Variants in TAFA1 observed in about 807,000 individuals in gnomAD.
TAFA1 encodes TAFA chemokine like family member 1.
Under a neutral mutation model 18.5 loss-of-function variants are expected in TAFA1, and 4 were observed. The observed-to-expected ratio is 0.22, with a 90% CI of 0.11 to 0.49. The LOEUF (loss-of-function observed/expected upper bound fraction) is 0.49. TAFA1 is among the 20% of genes least tolerant of loss of function. The pLI, the probability that TAFA1 is intolerant of heterozygous loss-of-function variation, is 0.98. For synonymous variants in TAFA1, 56 were observed against 55.2 expected, an observed-to-expected ratio of 1.01 and a Z score of -0.06; for missense variants, 147 against 169.0, an observed-to-expected ratio of 0.87 and a Z score of 0.72.
intron 2 of TAFA1, among the ~76,000 whole-genome samples, chr3:68,327,496 C>G (rs985730601): frequency 9.2e-5 from 14 of 152,234 alleles, no homozygotes; most frequent in Non-Finnish European, 1.9e-4. Flanking sequence ...GGTTCAAGTA[C>G]TAGATCACCA....
chr3:68,173,311 A>C (rs891176489), intron 2 of TAFA1, among the ~76,000 whole-genome samples: 4 of 152,318 alleles, frequency 2.6e-5, no homozygotes, highest in African/African-American at 9.6e-5. Context: ...AGGCCGCTTA[A>C]GAGCCCTATA....
At chr3:68,276,170 C>T (rs1183256695) in intron 2 of TAFA1, among the ~76,000 whole-genome samples, 1 of 151,276 alleles carries the variant, frequency 6.6e-6, no homozygotes, top group Non-Finnish European at 1.5e-5. Flanking sequence ...AAAAAAAAAC[C>T]CAGAAGACAA....
At chr3:68,252,237 A>T (rs1021163714) in intron 2 of TAFA1, among the ~76,000 whole-genome samples, 1 of 152,064 alleles carries the variant, frequency 6.6e-6, no homozygotes, top group African/African-American at 2.4e-5. Context: ...TCCTGCTACT[A>T]TTCAGGTTTC....
chr3:68,240,599 G>A (rs747865597), intron 2 of TAFA1, among the ~76,000 whole-genome samples: 3 of 152,146 alleles, frequency 2.0e-5, no homozygotes, highest in Non-Finnish European at 4.4e-5. Flanking sequence ...CTGCCCACTA[G>A]TAAACAGGAA....
At chr3:68,093,925 T>A (rs973744174) in intron 2 of TAFA1, among the ~76,000 whole-genome samples, 3 of 152,092 alleles carry the variant, frequency 2.0e-5, no homozygotes, top group Non-Finnish European at 4.4e-5. Flanking sequence ...ACCAGGCCTG[T>A]CTCTTGATAT....
At chr3:68,071,438 G>C (rs1043942284) in intron 2 of TAFA1, among the ~76,000 whole-genome samples, 11 of 152,184 alleles carry the variant, frequency 7.2e-5, no homozygotes, top group Non-Finnish European at 1.3e-4. Flanking sequence ...GATTTGGGTG[G>C]GGACACAGCC....
At chr3:68,090,517 G>A (rs1414104100) in intron 2 of TAFA1, among the ~76,000 whole-genome samples, 2 of 152,122 alleles carry the variant, frequency 1.3e-5, no homozygotes, top group Admixed American at 6.5e-5. Flanking sequence ...ACCCCATGTT[G>A]TTCCCCTCCA....
At chr3:68,441,049 C>A (rs1267979414) in intron 3 of TAFA1, among the ~76,000 whole-genome samples, 2 of 152,124 alleles carry the variant, frequency 1.3e-5, no homozygotes, top group Admixed American at 6.6e-5. Flanking sequence ...TCGAGATATT[C>A]TTTCTAAGGT....
intron 2 of TAFA1, among the ~76,000 whole-genome samples, chr3:68,403,575 A>C (rs2070538033): frequency 6.6e-6 from 1 of 152,246 alleles, no homozygotes; most frequent in Non-Finnish European, 1.5e-5. Context: ...GTGACACATA[A>C]AAATCACACA....
intron 2 of TAFA1, among the ~76,000 whole-genome samples, chr3:68,404,603 C>T (rs1387175692): frequency 6.6e-6 from 1 of 152,004 alleles, no homozygotes; most frequent in African/African-American, 2.4e-5. Context: ...TTCAAGACAG[C>T]CTGGCCAACA....
Position 68,379,724 on chromosome 3 carries a change from A to ATT in TAFA1, c.119-37546_119-37545dup, listed in dbSNP as rs71112638. On this transcript the variant is annotated intron_variant, in intron 2 of 4. Coordinates refer to ENST00000478136, the MANE Select transcript of TAFA1 (RefSeq NM_213609.4). ...TAAGTCTTTAATCCATTTTAAGTTG[A>ATT]TTTTTTTTTTTGAGTCTGTCTCCAA... Among the ~76,000 whole-genome samples, 55 of 141,948 alleles carry ATT rather than the reference A, an allele frequency of 3.9e-4. 1 individual carries two copies. In the South Asian group the frequency reaches 4.1e-3, roughly 11 times the overall value. The allele number at this position is 141,948 out of a possible 152,430, so 93.1% of individuals were successfully genotyped here. A position where few individuals can be genotyped will look rare whatever the true frequency, so the allele number is the denominator to read the frequency against.
At chr3:68,244,807 T>A (rs2067045236) in intron 2 of TAFA1, among the ~76,000 whole-genome samples, 1 of 152,216 alleles carries the variant, frequency 6.6e-6, no homozygotes, top group Admixed American at 6.5e-5. Flanking sequence ...ATTAACTGAT[T>A]ATTATTTGCA....
intron 2 of TAFA1, among the ~76,000 whole-genome samples, chr3:68,387,414 G>A (rs537018081): frequency 3.3e-5 from 5 of 152,162 alleles, no homozygotes; most frequent in African/African-American, 1.2e-4. Context: ...GTGGAGCCTA[G>A]GGTATTTATT....
intron 2 of TAFA1, among the ~76,000 whole-genome samples, chr3:68,047,415 A>G (rs890252592): frequency 5.9e-5 from 9 of 152,202 alleles, no homozygotes; most frequent in Admixed American, 5.9e-4. Context: ...ATAGCAGCCA[A>G]CTGAATTTTC....
intron 2 of TAFA1, among the ~76,000 whole-genome samples, chr3:68,287,985 A>G (rs2068044025): frequency 6.7e-6 from 1 of 149,848 alleles, no homozygotes. Flanking sequence ...AATTTTTCTT[A>G]AATATCGATT....
At chr3:68,463,196 G>A (rs1296652544) in intron 3 of TAFA1, among the ~76,000 whole-genome samples, 1 of 152,154 alleles carries the variant, frequency 6.6e-6, no homozygotes, top group Non-Finnish European at 1.5e-5. Flanking sequence ...GATAGAGTCA[G>A]CCAGTAAATT....
intron 2 of TAFA1, among the ~76,000 whole-genome samples, chr3:68,024,962 T>G (rs1704783471): frequency 6.6e-6 from 1 of 152,156 alleles, no homozygotes; most frequent in Admixed American, 6.5e-5. Context: ...TGTCAAGTGG[T>G]TGTTGATTCA....
In TAFA1 at chr3:68,491,539, G is replaced by T. The variant is rs957448707; in HGVS notation, c.260-47217G>T. On this transcript the variant is annotated intron_variant, in intron 3 of 4. Transcript: ENST00000478136. ...GGAACATCACACTCTGGGGACTGTT[G>T]TGGGGTGGGGGGAGGGGGGAGGGAT... 8.9e-5 allele frequency among the ~76,000 whole-genome samples: 10 copies of T among 112,164 alleles called. No homozygotes were observed. The East Asian group carries it at 3.2e-3, about 36-fold the overall frequency. 73.6% of individuals were successfully genotyped at this position (112,164 alleles called of 152,430 possible).
intron 2 of TAFA1, among the ~76,000 whole-genome samples, chr3:68,102,493 C>T (rs1232303422): frequency 4.6e-5 from 7 of 152,168 alleles, no homozygotes; most frequent in South Asian, 4.1e-4. Flanking sequence ...GTGAATTAAC[C>T]GTTAAAATGC....
Sources: gnomAD v4.1 joint callset for allele counts (sites outside exome capture counted in the v4.1 genomes callset) on GRCh38, gnomAD v4.1.1 for gene constraint, MANE v1.5 for transcripts, NCBI Gene and HGNC (gene_info 2026-07-23, HGNC 2026-07-21) for gene names.